PCDHA4: variants seen among roughly 807,000 people sequenced by gnomAD.
PCDHA4 encodes protocadherin alpha-4.
Under a neutral mutation model 61.4 loss-of-function variants are expected in PCDHA4, and 49 were observed. The ratio of observed to expected loss-of-function variants is 0.80; its 90% CI spans 0.63 to 1.01. The LOEUF is 1.01. PCDHA4 is among the 50% of genes least tolerant of loss of function. PCDHA4 has a pLI of 0.00. For missense variants in PCDHA4, 1,254 were observed against 1,235.8 expected (o/e 1.01, Z -0.22); for synonymous variants, 590 against 550.3 (o/e 1.07, Z -1.01).
intron 3 of PCDHA4, among the ~76,000 whole-genome samples, chr5:141,005,404 G>A (rs1265064301): frequency 6.6e-6 from 1 of 152,166 alleles, no homozygotes; most frequent in Non-Finnish European, 1.5e-5. Context: ...CAGACTTGAA[G>A]AGTGAGGAGT....
chr5:140,896,764 G>C (rs2153454405), intron 1 of PCDHA4, among the ~76,000 whole-genome samples: 1 of 152,136 alleles, frequency 6.6e-6, no homozygotes, highest in East Asian at 1.9e-4. Context: ...GACCTTTGTT[G>C]GATGCATAGT....
chr5:140,903,146 C>A (rs2070035349), intron 1 of PCDHA4, among the ~76,000 whole-genome samples: 1 of 152,178 alleles, frequency 6.6e-6, no homozygotes, highest in South Asian at 2.1e-4. Flanking sequence ...AAACTGTTTT[C>A]CATAGTGGTT....
chr5:141,010,545 A>G lies in PCDHA4; in HGVS notation c.*608A>G. On this transcript the variant is annotated 3_prime_UTR_variant, in exon 4 of 4. Coordinates refer to ENST00000530339, the MANE Select transcript of PCDHA4 (RefSeq NM_018907.4). ...GGTGGCAGCCACCCTCTAGGAGACAAAACTACCCCCACTGACAAGGCTTTA... is the reference window on the plus strand; with the variant it reads ...GGTGGCAGCCACCCTCTAGGAGACAGAACTACCCCCACTGACAAGGCTTTA... 1 of 343,382 alleles carries G rather than the reference A, an allele frequency of 2.9e-6. No individual in the cohort carries two copies. 21.3% of individuals were successfully genotyped at this position (343,382 alleles called of 1,614,324 possible).
chr5:140,977,701 G>A (rs1299788207), intron 1 of PCDHA4, among the ~76,000 whole-genome samples: 2 of 152,146 alleles, frequency 1.3e-5, no homozygotes, highest in African/African-American at 4.8e-5. Context: ...AAATCTGTCT[G>A]AATATTGAGA....
At chr5:140,869,590 G>GAAGA in intron 1 of PCDHA4, 3 of 1,614,102 alleles carry the variant, frequency 1.9e-6, no homozygotes, top group Non-Finnish European at 2.5e-6. Context: ...TGCTGACATT[G>GAAGA]AAGAGAATGC....
chr5:140,849,138 A>G (rs2150253056), intron 1 of PCDHA4: 1 of 1,337,178 alleles, frequency 7.5e-7, no homozygotes, highest in South Asian at 1.3e-5. Flanking sequence ...GCTCACGGCC[A>G]CCGATGGAGG....
In PCDHA4 at chr5:140,941,202, C is replaced by CCCTTCTTTCTTTCTTTCTTT; in HGVS notation, c.2386-37746_2386-37745insCTTCTTTCTTTCTTTCTTTC. Among the ~76,000 whole-genome samples, 3 of 122,832 alleles carry CCCTTCTTTCTTTCTTTCTTT rather than the reference C, an allele frequency of 2.4e-5. No homozygotes were observed. The East Asian group carries it at 6.6e-4, about 27-fold the overall frequency. The allele number at this position is 122,832 out of a possible 152,430, so 80.6% of individuals were successfully genotyped here. A position where few individuals can be genotyped will look rare whatever the true frequency, so the allele number is the denominator to read the frequency against. On this transcript the variant is annotated intron_variant, in intron 1 of 3. Transcript: ENST00000530339. ...TCCTGCTTCTTTTTTTTTCTTTCTT[C>CCCTTCTTTCTTTCTTTCTTT]CTTTCTTTCTTCCTTTCTTTCTTTC...
At position 140,851,057 on chromosome 5, in the gene PCDHA4, C is replaced by T; in HGVS notation, c.2385+41485C>T. The T allele has an allele frequency of 2.9e-6, 4 of 1,378,132 alleles. No homozygotes were observed. In the African/African-American group the frequency reaches 4.4e-5, roughly 15 times the overall value. 85.4% of individuals were successfully genotyped at this position (1,378,132 alleles called of 1,614,324 possible). ...AACATTGGAGCCGACTTTGTCTTGA[C>T]TTCTAGTGAGAATTATAAACTGTAT... On this transcript the variant is annotated intron_variant, in intron 1 of 3. Transcript: ENST00000530339.
intron 1 of PCDHA4, among the ~76,000 whole-genome samples, chr5:140,920,489 A>G (rs1323711960): frequency 2.6e-5 from 4 of 152,182 alleles, no homozygotes; most frequent in African/African-American, 9.7e-5. Flanking sequence ...TGGTCCAACA[A>G]TAGAGTTCTA....
chr5:140,884,514 C>G, intron 1 of PCDHA4: 21 of 1,614,176 alleles, frequency 1.3e-5, no homozygotes, highest in South Asian at 2.2e-5. Flanking sequence ...GGGAGTTGGT[C>G]GTACTCGCAG....
At chr5:140,812,159 G>GTTGTTGTTGTTGTTT (rs1248531146) in intron 1 of PCDHA4, 2 of 151,474 alleles carry the variant, frequency 1.3e-5, no homozygotes, top group Non-Finnish European at 2.9e-5. Flanking sequence ...TGTTGTTGTT[G>GTTGTTGTTGTTGTTT]TTGTTAGGAG....
At chr5:140,954,275 T>C (rs1447578594) in intron 1 of PCDHA4, among the ~76,000 whole-genome samples, 1 of 152,218 alleles carries the variant, frequency 6.6e-6, no homozygotes, top group Non-Finnish European at 1.5e-5. Context: ...AATAGGATGA[T>C]TTATATTCCT....
At chr5:140,925,141 A>G (rs1287522151) in intron 1 of PCDHA4, among the ~76,000 whole-genome samples, 1 of 151,690 alleles carries the variant, frequency 6.6e-6, no homozygotes, top group Non-Finnish European at 1.5e-5. Context: ...TTTCAAACAT[A>G]CACAAAAGTT....
rs782462557 is a variant in PCDHA4 at position 140,809,556 on chromosome 5, A to G, written c.2369A>G (p.Glu790Gly). Residue 790 changes from glutamate (E) to glycine (G), a missense_variant, in exon 1 of 4, where the codon GAG becomes GGG. Physicochemically the swap from Glu to Gly is moderately conservative, Grantham distance 98. Transcript: ENST00000530339. The part of the protein sequence containing the change: ...RDREDQLQTT[E>G]ESFAKPRQPN... ...AGAGAAGATCAGCTGCAGACAACTG[A>G]GGAATCCTTTGCAAAGGTTAGTGTA... 2 of 1,610,614 alleles carry G rather than the reference A, an allele frequency of 1.2e-6. No individual in the cohort carries two copies. Among genetic ancestry groups the G allele is most frequent in the South Asian group, 1.1e-5 (1 of 90,710 alleles).
Position 140,862,950 on chromosome 5 carries a change from G to T in PCDHA4, c.2385+53378G>T, listed in dbSNP as rs559605019. The T allele has an allele frequency of 5.5e-6, 3 of 541,462 alleles. No homozygotes were observed. The East Asian group carries it at 1.4e-4, about 26-fold the overall frequency. 33.5% of individuals were successfully genotyped at this position (541,462 alleles called of 1,614,324 possible). A position where few individuals can be genotyped will look rare whatever the true frequency, so the allele number is the denominator to read the frequency against. ...GGCGGCGCTGTGAGTGAGCTGGTGC[G>T]GTATTCAGTGGATGCAGGCCACTTG... On this transcript the variant is annotated intron_variant, in intron 1 of 3. Coordinates refer to ENST00000530339, the MANE Select transcript of PCDHA4 (RefSeq NM_018907.4).
intron 1 of PCDHA4, among the ~76,000 whole-genome samples, chr5:140,839,243 C>T (rs12659980): frequency 0.58 from 88,501 of 151,692 alleles, 26,916 homozygotes; most frequent in African/African-American, 0.73. Context: ...TATTGCTTTG[C>T]TTTTATGCTT....
chr5:140,883,946 G>C lies in PCDHA4; in HGVS notation c.2385+74374G>C, dbSNP rs139225969. ...GCAGGTGTTCGTGCTGGACGAGAACGACAACGCTCCGGCGCTGCTGACGCC... is the reference window on the plus strand; with the variant it reads ...GCAGGTGTTCGTGCTGGACGAGAACCACAACGCTCCGGCGCTGCTGACGCC... On this transcript the variant is annotated intron_variant, in intron 1 of 3. Coordinates refer to ENST00000530339, the MANE Select transcript of PCDHA4 (RefSeq NM_018907.4). The C allele has an allele frequency of 4.8e-5, 77 of 1,613,392 alleles. No individual in the cohort carries two copies. In the African/African-American group the frequency reaches 8.8e-4, roughly 18 times the overall value.
At chr5:140,869,598 T>A in intron 1 of PCDHA4, 6 of 1,614,122 alleles carry the variant, frequency 3.7e-6, no homozygotes, top group Non-Finnish European at 5.1e-6. Context: ...TTGAAGAGAA[T>A]GCTCTATTGA....
At chr5:140,823,245 C>A in intron 1 of PCDHA4, 2 of 1,613,492 alleles carry the variant, frequency 1.2e-6, no homozygotes, top group Non-Finnish European at 1.7e-6. Flanking sequence ...CCCTGGTGTC[C>A]TACTCGCTGG....
Sources: allele counts gnomAD v4.1 joint callset (sites outside exome capture counted in the v4.1 genomes callset), GRCh38; gene constraint gnomAD v4.1.1; transcripts MANE v1.5; gene names NCBI Gene and HGNC (gene_info 2026-07-23, HGNC 2026-07-21).